Variants in NELL1 observed in about 807,000 individuals in gnomAD.
The protein encoded by NELL1 is protein kinase C-binding protein NELL1.
A neutral mutation model predicts 107.4 loss-of-function variants in NELL1; 76 were observed. The observed-to-expected ratio is 0.71, with a 90% confidence interval of 0.59 to 0.86. NELL1 has a LOEUF of 0.86. Among genes scored for constraint, NELL1 ranks in the 40% least tolerant of loss-of-function variants. The pLI is 0.00. For synonymous variants in NELL1, 353 were observed against 341.2 expected, an observed-to-expected ratio of 1.03 and a Z score of -0.38; for missense variants, 1,024 against 1,005.5, an observed-to-expected ratio of 1.02 and a Z score of -0.25.
chr11:20,848,312 G>A (rs1376508427), intron 4 of NELL1, among the ~76,000 whole-genome samples: 1 of 152,176 alleles, frequency 6.6e-6, no homozygotes, highest in Non-Finnish European at 1.5e-5. Context: ...AGCTTGTCAG[G>A]GGATGGTGGG....
intron 14 of NELL1, among the ~76,000 whole-genome samples, chr11:21,266,288 C>T (rs1848633355): frequency 6.6e-6 from 1 of 151,870 alleles, no homozygotes; most frequent in African/African-American, 2.4e-5. Flanking sequence ...AAAATGTTCA[C>T]TTGTGTGTTG....
At chr11:21,000,657 T>G (rs1852197038) in intron 12 of NELL1, among the ~76,000 whole-genome samples, 1 of 152,200 alleles carries the variant, frequency 6.6e-6, no homozygotes, top group Non-Finnish European at 1.5e-5. Context: ...TGACCGGGAT[T>G]TATATAGATC....
At chr11:21,242,731 A>G (rs939063539) in intron 14 of NELL1, among the ~76,000 whole-genome samples, 1 of 152,110 alleles carries the variant, frequency 6.6e-6, no homozygotes, top group Non-Finnish European at 1.5e-5. Context: ...CCGTGTCATC[A>G]CCACTTTTCT....
intron 7 of NELL1, chr11:20,927,080 C>A: frequency 2.1e-6 from 1 of 468,706 alleles, no homozygotes. Flanking sequence ...TTTAATGTCT[C>A]ATTTGGTATT....
At chr11:21,132,596 CA>C (rs1855647531) in intron 13 of NELL1, among the ~76,000 whole-genome samples, 2 of 152,146 alleles carry the variant, frequency 1.3e-5, no homozygotes, top group Admixed American at 1.3e-4. Flanking sequence ...AGATGTACCA[CA>C]AGTGGCTTCC....
intron 13 of NELL1, among the ~76,000 whole-genome samples, chr11:21,161,266 G>T (rs1478038327): frequency 6.6e-6 from 1 of 152,218 alleles, no homozygotes; most frequent in East Asian, 1.9e-4. Flanking sequence ...AGCTGGGCAT[G>T]GTGGCTCATG....
chr11:20,863,608 G>C (rs1169388115), intron 4 of NELL1, among the ~76,000 whole-genome samples: 7 of 146,146 alleles, frequency 4.8e-5, no homozygotes, highest in South Asian at 2.2e-4. Context: ...GGAAGAGGCG[G>C]TCCTCACCTC....
chr11:21,524,363 A>G (rs1855798441), intron 15 of NELL1, among the ~76,000 whole-genome samples: 1 of 152,190 alleles, frequency 6.6e-6, no homozygotes. Flanking sequence ...GGAAGTTCAA[A>G]AATTCTTCCT....
At position 20,758,242 on chromosome 11, in the gene NELL1, C is replaced by G. The variant is rs149662762; in HGVS notation, c.185-25438C>G. Among the ~76,000 whole-genome samples the G allele has an allele frequency of 3.1e-3, 472 of 152,252 alleles. 4 individuals are homozygous for G. The highest frequency in any genetic ancestry group is 0.011 in the African/African-American group (455 of 41,544). On this transcript the variant is annotated intron_variant, in intron 2 of 19. Coordinates refer to ENST00000357134, the MANE Select transcript of NELL1 (RefSeq NM_006157.5). The stretch of plus-strand genomic sequence containing the variant: ...TATCCCCTTATACTGTCACTAATCT[C>G]CCTCTTCTCCAGGTCATACTCTAAG...
chr11:21,534,352 C>T (rs776747337), intron 15 of NELL1, 22 bp from the exon 16 acceptor site: 4 of 1,613,296 alleles, frequency 2.5e-6, no homozygotes, highest in Non-Finnish European at 3.4e-6. Flanking sequence ...TCCTGGTGGG[C>T]TTGTGTTTTT....
At chr11:21,215,672 A>G (rs1470683792) in intron 13 of NELL1, among the ~76,000 whole-genome samples, 6 of 152,138 alleles carry the variant, frequency 3.9e-5, no homozygotes, top group Admixed American at 2.0e-4. Context: ...TGATTCTTGT[A>G]ATGCTTCAGC....
chr11:21,090,908 A>G (rs949251552), intron 12 of NELL1, among the ~76,000 whole-genome samples: 13 of 152,186 alleles, frequency 8.5e-5, no homozygotes, highest in Admixed American at 6.5e-5. Context: ...AACAAAATAG[A>G]CTTGGATTTC....
chr11:21,269,133 A>G (rs1848691073), intron 14 of NELL1, among the ~76,000 whole-genome samples: 1 of 152,112 alleles, frequency 6.6e-6, no homozygotes, highest in African/African-American at 2.4e-5. Flanking sequence ...AACTGAGAAA[A>G]AAACAAAACA....
intron 2 of NELL1, among the ~76,000 whole-genome samples, chr11:20,766,253 G>A (rs1856526429): frequency 6.6e-6 from 1 of 152,186 alleles, no homozygotes. Context: ...GCAGTGAGAG[G>A]AGCAACTATT....
chr11:21,098,820 C>T (rs1054028545), intron 12 of NELL1, among the ~76,000 whole-genome samples: 6 of 152,064 alleles, frequency 3.9e-5, no homozygotes, highest in South Asian at 2.1e-4. Context: ...TTCTCTCTCT[C>T]TCTGTCTGCC....
chr11:20,927,186 C>A, intron 7 of NELL1, 122 bp from the exon 8 acceptor site: 1 of 789,452 alleles, frequency 1.3e-6, no homozygotes, highest in East Asian at 2.8e-5. Flanking sequence ...TGCTAAGAAT[C>A]AGTGAACTGC....
intron 16 of NELL1, among the ~76,000 whole-genome samples, chr11:21,550,196 G>GA (rs1402507331): frequency 6.6e-6 from 1 of 151,868 alleles, no homozygotes; most frequent in Non-Finnish European, 1.5e-5. Context: ...TGAGTCATTA[G>GA]AAAAAATGTT....
chr11:21,548,507 A>T (rs1856496719), intron 16 of NELL1, among the ~76,000 whole-genome samples: 1 of 151,870 alleles, frequency 6.6e-6, no homozygotes, highest in Admixed American at 6.6e-5. Context: ...ATGAGAGAGA[A>T]GTGAAAGCGG....
intron 2 of NELL1, among the ~76,000 whole-genome samples, chr11:20,744,468 C>G (rs1216730142): frequency 1.3e-5 from 2 of 152,202 alleles, no homozygotes; most frequent in African/African-American, 4.8e-5. Flanking sequence ...CATTTATTCT[C>G]TCTTTTATAG....
Sources: allele counts gnomAD v4.1 joint callset (sites outside exome capture counted in the v4.1 genomes callset), GRCh38; gene constraint gnomAD v4.1.1; transcripts MANE v1.5; gene names NCBI Gene and HGNC (gene_info 2026-07-23, HGNC 2026-07-21).